SRGAP3: variants seen among roughly 807,000 people sequenced by gnomAD.
The protein encoded by SRGAP3 is SLIT-ROBO Rho GTPase activating protein 3, also known as SLIT-ROBO Rho GTPase-activating protein 3.
A neutral mutation model predicts 121.1 loss-of-function variants in SRGAP3; 39 were observed. That is an observed-to-expected ratio of 0.32 (90% CI 0.25 to 0.42). SRGAP3 has a LOEUF of 0.42. Ranked by LOEUF, SRGAP3 falls within the 10% of genes least tolerant of loss-of-function variation. The pLI is 1.00. For synonymous variants in SRGAP3, 601 were observed against 570.0 expected (o/e 1.05, Z -0.77); for missense variants, 1,213 against 1,470.6 (o/e 0.82, Z 2.86).
chr3:9,112,970 A>C (rs981194128), intron 2 of SRGAP3, among the ~76,000 whole-genome samples: 2 of 152,230 alleles, frequency 1.3e-5, no homozygotes, highest in African/African-American at 4.8e-5. Flanking sequence ...TTAACACAGC[A>C]CAGTGATAAA....
chr3:9,345,555 G>C (rs1955870882), intron 1 of SRGAP3, among the ~76,000 whole-genome samples: 1 of 151,132 alleles, frequency 6.6e-6, no homozygotes, highest in African/African-American at 2.4e-5. Flanking sequence ...GGCCGAGGAA[G>C]GTGGATCACT....
chr3:9,279,034 G>C (rs541495261), intron 3 of SRGAP3, among the ~76,000 whole-genome samples: 1 of 152,212 alleles, frequency 6.6e-6, no homozygotes, highest in East Asian at 1.9e-4. Flanking sequence ...AACTACTTGG[G>C]AGGCTGAGAC....
At chr3:9,068,848 G>A (rs181796850) in intron 4 of SRGAP3, among the ~76,000 whole-genome samples, 31 of 152,218 alleles carry the variant, frequency 2.0e-4, no homozygotes, top group African/African-American at 3.4e-4. Flanking sequence ...CCCTAATCCT[G>A]GGAGGTAGTG....
In SRGAP3 at chr3:9,041,510, G is replaced by A. The variant is rs551102221; in HGVS notation, c.1409-3420C>T. On this transcript the variant is annotated intron_variant, in intron 10 of 21. Transcript: ENST00000383836. ...AAAACAAAGAGGTCTGAGTCCTACT[G>A]TTTAACTCTTTTATCAACTCACTGC... Among the ~76,000 whole-genome samples, 8 of 152,370 alleles carry A rather than the reference G, an allele frequency of 5.3e-5. No homozygotes were observed. In the South Asian group the frequency reaches 1.7e-3, roughly 32 times the overall value.
At chr3:9,186,693 C>T (rs115835708) in intron 1 of SRGAP3, among the ~76,000 whole-genome samples, 13 of 152,284 alleles carry the variant, frequency 8.5e-5, no homozygotes, top group Non-Finnish European at 1.9e-4. Context: ...CAAACCCTGC[C>T]ATGTACGACT....
At chr3:9,009,020 A>G (rs531463302) in intron 18 of SRGAP3, among the ~76,000 whole-genome samples, 1 of 152,360 alleles carries the variant, frequency 6.6e-6, no homozygotes, top group African/African-American at 2.4e-5. Flanking sequence ...GAAGACAGAG[A>G]CAAAGTGCTG....
In SRGAP3 at chr3:9,254,740, G is replaced by A. The variant is rs118187307; in HGVS notation, n.442+71270C>T. ...GCACCCAAGAGGTGGAGGGTGCAGT[G>A]AGCTGTGACTGCAATTGCACCACTG... is the stretch of plus-strand genomic sequence containing the variant. On this transcript the variant is annotated intron_variant and non_coding_transcript_variant, in intron 3 of 3. Coordinates refer to the SRGAP3 transcript ENST00000490889. Among the ~76,000 whole-genome samples, 152 of 151,406 alleles carry A rather than the reference G, an allele frequency of 1.0e-3. 2 individuals carry two copies. The East Asian group carries it at 0.021, about 21-fold the overall frequency.
At chr3:9,073,922 G>T (rs1234728261) in intron 4 of SRGAP3, among the ~76,000 whole-genome samples, 1 of 152,204 alleles carries the variant, frequency 6.6e-6, no homozygotes, top group African/African-American at 2.4e-5. Context: ...TAATAACCTA[G>T]TAACTGAGAT....
At chr3:9,087,818 G>A (rs1009695735) in intron 3 of SRGAP3, among the ~76,000 whole-genome samples, 3 of 152,144 alleles carry the variant, frequency 2.0e-5, no homozygotes, top group Non-Finnish European at 2.9e-5. Context: ...AGTGAATGGA[G>A]GGTGGGATGA....
At chr3:9,254,792 G>C (rs1035246999) in intron 3 of SRGAP3, among the ~76,000 whole-genome samples, 6 of 143,274 alleles carry the variant, frequency 4.2e-5, no homozygotes, top group African/African-American at 1.3e-4. Flanking sequence ...ACAGAGCAAG[G>C]CTCTGAAAAA....
intron 3 of SRGAP3, among the ~76,000 whole-genome samples, chr3:9,266,346 A>G (rs550227008): frequency 6.6e-6 from 1 of 152,220 alleles, no homozygotes; most frequent in Non-Finnish European, 1.5e-5. Flanking sequence ...TGTTCTGCAC[A>G]TGTATCCCAG....
At chr3:9,278,570 T>C (rs1954623652) in intron 3 of SRGAP3, among the ~76,000 whole-genome samples, 1 of 152,208 alleles carries the variant, frequency 6.6e-6, no homozygotes, top group South Asian at 2.1e-4. Flanking sequence ...GTGGTGTATG[T>C]CACGAGAAAG....
chr3:9,335,195 C>A (rs1955671535), intron 1 of SRGAP3, among the ~76,000 whole-genome samples: 1 of 152,164 alleles, frequency 6.6e-6, no homozygotes, highest in Admixed American at 6.5e-5. Flanking sequence ...GAAAGATTGC[C>A]TGGGGGCTGG....
At chr3:9,198,816 C>T (rs575709714) in intron 1 of SRGAP3, among the ~76,000 whole-genome samples, 1 of 152,192 alleles carries the variant, frequency 6.6e-6, no homozygotes, top group Non-Finnish European at 1.5e-5. Context: ...ACATGTAAAA[C>T]AGGCCCAGGC....
chr3:9,114,340 A>G lies in SRGAP3; in HGVS notation c.261-9498T>C, dbSNP rs111713892. On this transcript the variant is annotated intron_variant, in intron 2 of 21. Transcript: ENST00000383836. The stretch of plus-strand genomic sequence containing the variant: ...TATTGTCATTACCATTATTACCACT[A>G]GCACCTCAATAAGTTGTTGGGAAGA... 6.8e-4 allele frequency among the ~76,000 whole-genome samples: 104 copies of G among 152,328 alleles called. 1 individual carries two copies. Among genetic ancestry groups the G allele is most frequent in the African/African-American group, 2.4e-3 (99 of 41,568 alleles).
intron 1 of SRGAP3, among the ~76,000 whole-genome samples, chr3:9,210,938 T>G (rs908852123): frequency 1.3e-5 from 2 of 152,132 alleles, no homozygotes; most frequent in African/African-American, 2.4e-5. Flanking sequence ...GTTAAAGCAA[T>G]CATAATAGTA....
intron 3 of SRGAP3, among the ~76,000 whole-genome samples, chr3:9,083,949 A>G (rs955836904): frequency 1.3e-5 from 2 of 152,154 alleles, no homozygotes; most frequent in South Asian, 4.1e-4. Context: ...AGCTGCTGCA[A>G]AACAGTATGG....
In SRGAP3 at chr3:9,180,614, G is replaced by A. The variant is rs555159325; in HGVS notation, c.68-55697C>T. 9.8e-5 allele frequency among the ~76,000 whole-genome samples: 15 copies of A among 152,310 alleles called. No individual in the cohort carries two copies. The South Asian group carries it at 1.2e-3, about 13-fold the overall frequency. ...AAGGCGTGGGCAAAAGCCATACCCT[G>A]CAATCACACGAGAAACCCAAACACA... On this transcript the variant is annotated intron_variant, in intron 1 of 21. Transcript: ENST00000383836.
At chr3:9,053,767 C>T (rs763059071) in intron 8 of SRGAP3, among the ~76,000 whole-genome samples, 2 of 152,236 alleles carry the variant, frequency 1.3e-5, no homozygotes, top group Non-Finnish European at 2.9e-5. Context: ...TGCTGAGGCA[C>T]ACATTGTTCA....
Sources: gnomAD v4.1 joint callset for allele counts (sites outside exome capture counted in the v4.1 genomes callset) on GRCh38, gnomAD v4.1.1 for gene constraint, MANE v1.5 for transcripts, NCBI Gene and HGNC (gene_info 2026-07-23, HGNC 2026-07-21) for gene names.